Variants in CCDC171 observed in about 807,000 individuals in gnomAD.
CCDC171 encodes the protein coiled-coil domain-containing protein 171.
Under a neutral mutation model 168.2 loss-of-function variants are expected in CCDC171, and 177 were observed. The ratio of observed to expected loss-of-function variants is 1.05; its 90% CI spans 0.93 to 1.19. CCDC171 has a LOEUF of 1.19. Ranked by LOEUF, CCDC171 falls within the 50% of genes most tolerant of loss-of-function variation. The pLI is 0.00. For synonymous variants in CCDC171, 687 were observed against 540.8 expected, an observed-to-expected ratio of 1.27 and a Z score of -3.75; for missense variants, 1,991 against 1,539.0, an observed-to-expected ratio of 1.29 and a Z score of -4.91.
chr9:15,923,587 C>T (rs1825580232), intron 25 of CCDC171, among the ~76,000 whole-genome samples: 1 of 151,192 alleles, frequency 6.6e-6, no homozygotes, highest in Admixed American at 6.6e-5. Context: ...TCTTGTACAA[C>T]ATGGTGACTA....
intron 25 of CCDC171, among the ~76,000 whole-genome samples, chr9:15,938,428 G>A (rs761341687): frequency 3.3e-5 from 5 of 151,252 alleles, no homozygotes; most frequent in African/African-American, 4.8e-5. Flanking sequence ...AGTTTTCTAC[G>A]AAAAAAAATC....
chr9:15,949,737 C>T (rs929787224), intron 25 of CCDC171, among the ~76,000 whole-genome samples: 4 of 152,112 alleles, frequency 2.6e-5, no homozygotes, highest in African/African-American at 9.7e-5. Context: ...GATATACAAT[C>T]ATGTCGTCTG....
intron 16 of CCDC171, among the ~76,000 whole-genome samples, chr9:15,743,471 C>T (rs767543850): frequency 1.2e-4 from 19 of 152,006 alleles, no homozygotes; most frequent in Non-Finnish European, 2.2e-4. Flanking sequence ...TTGCCTGTCC[C>T]TTCTTAATTT....
At chr9:16,092,849 TGG>T in the CCDC171 span, among the ~76,000 whole-genome samples, 2 of 151,960 alleles carry the variant, frequency 1.3e-5, no homozygotes, top group Non-Finnish European at 2.9e-5. Flanking sequence ...CAGGGGTGGG[TGG>T]GAGCTGGCTG....
intron 1 of CCDC171, 48 bp from the exon 2 acceptor site, chr9:15,563,930 A>G (rs2039517534): frequency 1.7e-6 from 1 of 598,026 alleles, no homozygotes; most frequent in Non-Finnish European, 2.9e-6. Flanking sequence ...AAAATCTCCA[A>G]TAGTATCAGG....
intron 18 of CCDC171, among the ~76,000 whole-genome samples, chr9:15,760,945 CAG>C (rs951901317): frequency 6.6e-5 from 10 of 152,114 alleles, no homozygotes; most frequent in Non-Finnish European, 8.8e-5. Context: ...TTACCTCAAA[CAG>C]GGGAGAATGT....
At chr9:16,055,449 T>C (rs765461049) in intron 1 of CCDC171, among the ~76,000 whole-genome samples, 2 of 151,964 alleles carry the variant, frequency 1.3e-5, no homozygotes, top group Non-Finnish European at 2.9e-5. Flanking sequence ...ACCGGTGTAG[T>C]AGGAGAAGAA....
chr9:15,866,309 G>A (rs1193829273), intron 23 of CCDC171, among the ~76,000 whole-genome samples: 1 of 151,970 alleles, frequency 6.6e-6, no homozygotes, highest in East Asian at 1.9e-4. Flanking sequence ...GGTTTTAAGA[G>A]CCACAAGTCT....
chr9:15,964,974 G>A (rs1830659863), intron 25 of CCDC171, among the ~76,000 whole-genome samples: 1 of 152,074 alleles, frequency 6.6e-6, no homozygotes, highest in Non-Finnish European at 1.5e-5. Flanking sequence ...TGTCGGTCAG[G>A]CTTGTCTCAA....
chr9:16,004,088 A>G (rs1461907025), intron 3 of CCDC171, among the ~76,000 whole-genome samples: 1 of 152,190 alleles, frequency 6.6e-6, no homozygotes, highest in Non-Finnish European at 1.5e-5. Context: ...TCAGAAAGGA[A>G]CACGCGGGAG....
Position 15,614,071 on chromosome 9 carries a change from G to T in CCDC171, c.676-9196G>T, listed in dbSNP as rs1436972604. ...GTTGGAGTATGCATTCAATGCTTTT[G>T]TGGGCTGATCAAAACTCTGCCTTAG... is the stretch of plus-strand genomic sequence containing the variant. On this transcript the variant is annotated intron_variant, in intron 6 of 25. Transcript: ENST00000380701. Among the ~76,000 whole-genome samples the T allele has an allele frequency of 2.0e-5, 3 of 152,174 alleles. No homozygotes were observed. The East Asian group carries it at 5.8e-4, about 29-fold the overall frequency.
intron 18 of CCDC171, among the ~76,000 whole-genome samples, chr9:15,747,069 G>C (rs1032995455): frequency 2.6e-5 from 4 of 152,210 alleles, no homozygotes; most frequent in Non-Finnish European, 2.9e-5. Context: ...GGAGCTTGGC[G>C]GGGGGAGGGC....
At chr9:15,659,851 A>G (rs1039851524) in intron 8 of CCDC171, among the ~76,000 whole-genome samples, 1 of 152,176 alleles carries the variant, frequency 6.6e-6, no homozygotes, top group Non-Finnish European at 1.5e-5. Context: ...TTATCTTTTC[A>G]CCCAACCTCC....
rs746323928 is a variant in CCDC171 at position 15,571,701 on chromosome 9, A to C, written c.119A>C (p.Lys40Thr). The stretch of plus-strand genomic sequence containing the variant: ...TTGGATATTACTGATAATCTCAGGA[A>C]GAAACTCCATTGGGCTAAAAAAGAA... ...TELDITDNLRKKLHWAKKEKL... is the reference protein window; with the variant it reads ...TELDITDNLRTKLHWAKKEKL... The change falls in exon 3 of 26, where the codon AAG (lysine) becomes ACG (threonine). Residue 40 changes from lysine (K) to threonine (T), a missense_variant. Transcript: ENST00000380701. The C allele has an allele frequency of 2.5e-6, 4 of 1,588,592 alleles. No homozygotes were observed. The highest frequency in any genetic ancestry group is 3.4e-6 in the Non-Finnish European group (4 of 1,172,892).
At chr9:15,687,787 A>C (rs2050505087) in intron 10 of CCDC171, among the ~76,000 whole-genome samples, 1 of 152,176 alleles carries the variant, frequency 6.6e-6, no homozygotes. Context: ...AAAATGGACA[A>C]CTTTCTAGAA....
chr9:16,083,247 T>C, the CCDC171 span, among the ~76,000 whole-genome samples: 1 of 152,218 alleles, frequency 6.6e-6, no homozygotes, highest in African/African-American at 2.4e-5. Context: ...GCGATAATCC[T>C]GGAAGTCAGT....
At chr9:15,848,767 A>T in intron 22 of CCDC171, 126 bp from the exon 23 acceptor site, 2 of 476,760 alleles carry the variant, frequency 4.2e-6, no homozygotes, top group South Asian at 3.9e-5. Flanking sequence ...AAAATAAATT[A>T]AAAAAATAAA....
chr9:15,927,764 G>A (rs981471439), intron 25 of CCDC171, among the ~76,000 whole-genome samples: 2 of 151,596 alleles, frequency 1.3e-5, no homozygotes, highest in Middle Eastern at 3.2e-3. Flanking sequence ...TTCCAAAATA[G>A]CATTTCACCA....
intron 7 of CCDC171, among the ~76,000 whole-genome samples, chr9:15,655,038 C>T (rs963918806): frequency 1.3e-5 from 2 of 151,836 alleles, no homozygotes; most frequent in East Asian, 1.9e-4. Flanking sequence ...GTTGTGGGGT[C>T]GGGGGAGCAG....
Sources: gnomAD v4.1 joint callset for allele counts (sites outside exome capture counted in the v4.1 genomes callset) on GRCh38, gnomAD v4.1.1 for gene constraint, MANE v1.5 for transcripts, NCBI Gene and HGNC (gene_info 2026-07-23, HGNC 2026-07-21) for gene names.